FSTL4: variants seen among roughly 807,000 people sequenced by gnomAD.
FSTL4 encodes the protein follistatin like 4.
In FSTL4, 28 loss-of-function variants were observed where a neutral mutation model predicts 78.2. That is an observed-to-expected ratio of 0.36 (90% CI 0.27 to 0.49). The LOEUF (loss-of-function observed/expected upper bound fraction) is 0.49, where lower values mean the gene tolerates loss of function less well. Ranked by LOEUF, FSTL4 falls within the 20% of genes least tolerant of loss-of-function variation. FSTL4 has a pLI of 0.98. For synonymous variants in FSTL4, 422 were observed against 440.5 expected (o/e 0.96, Z 0.53); for missense variants, 922 against 1,084.9 (o/e 0.85, Z 2.11).
chr5:133,692,095 G>A, the FSTL4 span, among the ~76,000 whole-genome samples: 12 of 152,238 alleles, frequency 7.9e-5, no homozygotes, highest in Non-Finnish European at 1.3e-4. Flanking sequence ...TGCAGCAGGA[G>A]TGATGGGAAG....
At chr5:133,449,455 T>G (rs947910472) in intron 3 of FSTL4, among the ~76,000 whole-genome samples, 3 of 152,096 alleles carry the variant, frequency 2.0e-5, no homozygotes, top group Non-Finnish European at 4.4e-5. Flanking sequence ...GGCCAAATAG[T>G]CTAACACGCG....
chr5:133,388,447 A>G (rs1755757370), intron 4 of FSTL4: 1 of 145,986 alleles, frequency 6.8e-6, no homozygotes, highest in Non-Finnish European at 1.6e-5. Flanking sequence ...GTCCAAGAAC[A>G]GAATGTTTTT....
the FSTL4 span, among the ~76,000 whole-genome samples, chr5:133,721,604 C>T: frequency 7.9e-5 from 12 of 152,140 alleles, no homozygotes; most frequent in African/African-American, 2.9e-4. Context: ...TATATCATCC[C>T]ATTCTATACT....
chr5:133,631,479 A>G, the FSTL4 span, among the ~76,000 whole-genome samples: 1 of 152,224 alleles, frequency 6.6e-6, no homozygotes, highest in Non-Finnish European at 1.5e-5. Flanking sequence ...AATGGCGATC[A>G]TTAAAAAGTC....
chr5:133,351,706 C>T (rs1159619289), intron 4 of FSTL4, among the ~76,000 whole-genome samples: 1 of 152,096 alleles, frequency 6.6e-6, no homozygotes, highest in Non-Finnish European at 1.5e-5. Context: ...CTCCTGGGTT[C>T]AAGCAATTCT....
At chr5:133,392,173 G>A (rs1209559466) in intron 4 of FSTL4, among the ~76,000 whole-genome samples, 1 of 152,182 alleles carries the variant, frequency 6.6e-6, no homozygotes, top group Non-Finnish European at 1.5e-5. Flanking sequence ...AGGTCATCCA[G>A]CCAGGAGATG....
At chr5:133,534,849 T>C (rs1435126085) in intron 3 of FSTL4, among the ~76,000 whole-genome samples, 2 of 152,100 alleles carry the variant, frequency 1.3e-5, no homozygotes, top group African/African-American at 4.8e-5. Context: ...GCAACTCCCT[T>C]CCTTTTTTCC....
At chr5:133,699,625 T>C in the FSTL4 span, among the ~76,000 whole-genome samples, 2 of 152,162 alleles carry the variant, frequency 1.3e-5, no homozygotes, top group South Asian at 4.1e-4. Flanking sequence ...CTCACGCCTG[T>C]AATCCCAGCA....
chr5:133,323,777 C>A (rs1754133815), intron 4 of FSTL4, among the ~76,000 whole-genome samples: 1 of 152,344 alleles, frequency 6.6e-6, no homozygotes, highest in Middle Eastern at 3.4e-3. Flanking sequence ...AAATATTGAT[C>A]AGCTTGCCGA....
At chr5:133,263,193 C>T (rs1295079137) in intron 6 of FSTL4, among the ~76,000 whole-genome samples, 1 of 152,122 alleles carries the variant, frequency 6.6e-6, no homozygotes, top group African/African-American at 2.4e-5. Context: ...AGCTGAGATG[C>T]AGAGTTCTGT....
intron 3 of FSTL4, among the ~76,000 whole-genome samples, chr5:133,461,574 C>A (rs1757592854): frequency 6.6e-6 from 1 of 152,104 alleles, no homozygotes; most frequent in South Asian, 2.1e-4. Flanking sequence ...AACAAACCCT[C>A]CGAATTAGCA....
intron 3 of FSTL4, among the ~76,000 whole-genome samples, chr5:133,497,458 G>GCGGGGT (rs1369913626): frequency 3.9e-5 from 6 of 152,180 alleles, no homozygotes; most frequent in African/African-American, 1.4e-4. Flanking sequence ...GAGTATTTTT[G>GCGGGGT]CTGTTGTTTG....
At chr5:133,785,755 T>C in the FSTL4 span, among the ~76,000 whole-genome samples, 1 of 152,028 alleles carries the variant, frequency 6.6e-6, no homozygotes, top group East Asian at 1.9e-4. Context: ...CTTTCAGAGA[T>C]AGAAGTCATG....
the FSTL4 span, among the ~76,000 whole-genome samples, chr5:133,710,088 C>T: frequency 2.0e-5 from 3 of 152,186 alleles, no homozygotes; most frequent in African/African-American, 4.8e-5. Flanking sequence ...GGAGGAGTGC[C>T]ATGAGGCAGG....
intron 13 of FSTL4, among the ~76,000 whole-genome samples, chr5:133,215,870 C>T (rs751014819): frequency 1.3e-5 from 2 of 152,188 alleles, no homozygotes; most frequent in African/African-American, 2.4e-5. Flanking sequence ...CCTTTTTCAT[C>T]TTTGCAGTCA....
chr5:133,315,178 C>A (rs1753874816), intron 5 of FSTL4, among the ~76,000 whole-genome samples: 1 of 152,132 alleles, frequency 6.6e-6, no homozygotes, highest in African/African-American at 2.4e-5. Context: ...AAACATACCA[C>A]ATGCCAGGTA....
rs991411910 is a variant in FSTL4 at position 133,535,476 on chromosome 5, G to A, written c.160+31710C>T. Among the ~76,000 whole-genome samples, 60 of 152,258 alleles carry A rather than the reference G, an allele frequency of 3.9e-4. 1 individual carries two copies. The highest frequency in any genetic ancestry group is 1.0e-4 in the Non-Finnish European group (7 of 68,038). ...ATCTGTGTCTTAAGGGCATGTTCCT[G>A]CTGCAATTAATTCTGCCCGTCCCTT... On this transcript the variant is annotated intron_variant, in intron 3 of 15. Transcript: ENST00000265342.
At chr5:133,341,258 TA>T (rs577825241) in intron 4 of FSTL4, among the ~76,000 whole-genome samples, 1,084 of 101,344 alleles carry the variant, frequency 0.011, 13 homozygotes, top group African/African-American at 0.035. Flanking sequence ...TAGGGGAAAG[TA>T]AAAAAAAAAA....
intron 7 of FSTL4, among the ~76,000 whole-genome samples, chr5:133,234,064 A>G (rs2126804351): frequency 6.6e-6 from 1 of 152,320 alleles, no homozygotes; most frequent in Admixed American, 6.5e-5. Context: ...AGACACATAA[A>G]TTAATGAACG....
Sources: allele counts gnomAD v4.1 joint callset (sites outside exome capture counted in the v4.1 genomes callset), GRCh38; gene constraint gnomAD v4.1.1; transcripts MANE v1.5; gene names NCBI Gene and HGNC (gene_info 2026-07-23, HGNC 2026-07-21).